Variants in LOXL1 observed in about 807,000 individuals in gnomAD.
The protein encoded by LOXL1 is lysyl oxidase like 1, also known as lysyl oxidase homolog 1.
Under a neutral mutation model 62.2 loss-of-function variants are expected in LOXL1, and 31 were observed. That is an observed-to-expected ratio of 0.50 (90% CI 0.37 to 0.67). The LOEUF is 0.67. Ranked by LOEUF, LOXL1 falls within the 30% of genes least tolerant of loss-of-function variation. The pLI is 0.00. For synonymous variants in LOXL1, 403 were observed against 384.4 expected, an observed-to-expected ratio of 1.05 and a Z score of -0.56; for missense variants, 775 against 843.4, an observed-to-expected ratio of 0.92 and a Z score of 1.00.
At chr15:73,943,073 C>A in intron 2 of LOXL1, 111 bp downstream of exon 2, 1 of 804,974 alleles carries the variant, frequency 1.2e-6, no homozygotes, top group Non-Finnish European at 2.1e-6. Context: ...ATGACCCTGG[C>A]CAAGTGCCCC....
Position 73,926,702 on chromosome 15 carries a change from C to G in LOXL1, c.-82C>G, listed in dbSNP as rs1444512944. The G allele has an allele frequency of 7.4e-7, 1 of 1,349,536 alleles. No homozygotes were observed. Among genetic ancestry groups the G allele is most frequent in the African/African-American group, 1.5e-5 (1 of 65,064 alleles). 83.6% of individuals were successfully genotyped at this position (1,349,536 alleles called of 1,614,324 possible). ...GGCAAGCAAGGAGCCTTCCTGTCCTCGAGGCCGTGGGAAGAGAAGCACGCC... is the reference window on the plus strand; with the variant it reads ...GGCAAGCAAGGAGCCTTCCTGTCCTGGAGGCCGTGGGAAGAGAAGCACGCC... On this transcript the variant is annotated 5_prime_UTR_variant, in exon 1 of 7. Coordinates refer to ENST00000261921, the MANE Select transcript of LOXL1 (RefSeq NM_005576.4).
In LOXL1 at chr15:73,947,207, G is replaced by C; in HGVS notation, c.1490G>C (p.Cys497Ser). 1.2e-6 allele frequency: 2 copies of C among 1,608,244 alleles called. No homozygotes were observed. The highest frequency in any genetic ancestry group is 1.7e-6 in the Non-Finnish European group (2 of 1,175,396). ...CDFGNLKRYA[C>S]TSHTQGLSPG... ...TTCGGCAACCTCAAGCGCTATGCATGCACCTCTCATACCCAGGTTGGGCTG... is the reference window on the plus strand; with the variant it reads ...TTCGGCAACCTCAAGCGCTATGCATCCACCTCTCATACCCAGGTTGGGCTG... The change falls in exon 4 of 7, where the codon TGC becomes TCC. Residue 497 changes from cysteine to serine, a missense_variant. By Grantham distance (112) the Cys-to-Ser change is moderately radical. Transcript: ENST00000261921.
chr15:73,928,471 G>A (rs1430356906), intron 1 of LOXL1, among the ~76,000 whole-genome samples: 1 of 152,180 alleles, frequency 6.6e-6, no homozygotes, highest in African/African-American at 2.4e-5. Flanking sequence ...TTCCTCAGGG[G>A]AGTCTGCAAG....
intron 6 of LOXL1, among the ~76,000 whole-genome samples, chr15:73,951,037 C>T (rs1390780487): frequency 6.6e-6 from 1 of 152,192 alleles, no homozygotes; most frequent in Non-Finnish European, 1.5e-5. Context: ...CCTGTCTTAG[C>T]CATTCAAGAC....
At chr15:73,950,293 TA>T (rs5813735) in intron 6 of LOXL1, among the ~76,000 whole-genome samples, 81,433 of 145,984 alleles carry the variant, frequency 0.56, 22,456 homozygotes, top group Middle Eastern at 0.68. Flanking sequence ...CCTTTTCCAT[TA>T]AAAAAAAAAA....
chr15:73,936,858 G>A (rs1041576253), intron 1 of LOXL1, among the ~76,000 whole-genome samples: 4 of 152,264 alleles, frequency 2.6e-5, no homozygotes, highest in African/African-American at 9.6e-5. Flanking sequence ...AGTATCGTCT[G>A]TAGGGGTTGT....
rs201962385 is a variant in LOXL1, at chr15:73,949,545, C to T, written c.1689C>T (p.Tyr563=). The T allele has an allele frequency of 2.7e-5, 43 of 1,613,804 alleles. No homozygotes were observed. The highest frequency in any genetic ancestry group is 3.2e-5 in the Non-Finnish European group (38 of 1,179,774). The change falls in exon 6 of 7, where the codon TAC becomes TAT. Residue 563 remains tyrosine, a synonymous_variant. Transcript: ENST00000261921. ...GCAACATTCACTACACAGGTCGCTACGTTTCTGCAACAAACTGCAAAATTG... is the reference window on the plus strand; with the variant it reads ...GCAACATTCACTACACAGGTCGCTATGTTTCTGCAACAAACTGCAAAATTG... ...VRCNIHYTGR[Y]VSATNCKIVQ...
At chr15:73,927,948 G>GC (rs2068603015) in intron 1 of LOXL1, 63 bp downstream of exon 1, 21 of 1,257,294 alleles carry the variant, frequency 1.7e-5, no homozygotes, top group East Asian at 3.2e-5. Context: ...ACTGCTCCGG[G>GC]CCCCCCGGGC....
At position 73,927,304 on chromosome 15, in the gene LOXL1, CGCA is replaced by C. The variant is rs1320429651; in HGVS notation, c.526_528del (p.Gln176del). 6.2e-7 allele frequency: 1 copy of C among 1,603,480 alleles called. No individual in the cohort carries two copies. The highest frequency in any genetic ancestry group is 8.5e-7 in the Non-Finnish European group (1 of 1,177,026). ...ACCTACCGCCAGCAGCCCTCCTACC[CGCA>C]GCAGTTCCCCTACCCGCAGGCGCCC... On this transcript the variant is annotated inframe_deletion, in exon 1 of 7. Coordinates refer to ENST00000261921, the MANE Select transcript of LOXL1 (RefSeq NM_005576.4).
chr15:73,937,195 G>A (rs531316166), intron 1 of LOXL1, among the ~76,000 whole-genome samples: 4 of 152,354 alleles, frequency 2.6e-5, no homozygotes, highest in Admixed American at 1.3e-4. Flanking sequence ...TGAGCAGGAG[G>A]ACAGGGTGGG....
chr15:73,939,880 G>A (rs898438781), intron 1 of LOXL1, among the ~76,000 whole-genome samples: 4 of 152,154 alleles, frequency 2.6e-5, no homozygotes, highest in Non-Finnish European at 5.9e-5. Flanking sequence ...ATGGGCCTGA[G>A]CCTCAGTTTC....
rs1424444723 is a variant in LOXL1, at chr15:73,930,971, C to T, written c.1102+3086C>T. 6.6e-6 allele frequency among the ~76,000 whole-genome samples: 1 copy of T among 152,178 alleles called. No individual in the cohort carries two copies. Among genetic ancestry groups the T allele is most frequent in the African/African-American group, 2.4e-5 (1 of 41,452 alleles). Reference sequence around the variant, plus strand: ...AGCTGGGTCTCCTGCACTGTGTCGGCTCCCTCGATGTGACCACTCCTGCTA... The same window carrying T: ...AGCTGGGTCTCCTGCACTGTGTCGGTTCCCTCGATGTGACCACTCCTGCTA... On this transcript the variant is annotated intron_variant, in intron 1 of 6. Transcript: ENST00000261921. This position sits in a 1 kb window ranked among gnomAD's most constrained non-coding sequence, Gnocchi z 4.7.
rs528787915 is a variant in LOXL1 at position 73,926,466 on chromosome 15, A to G, written c.-318A>G. 6 of 278,062 alleles carry G rather than the reference A, an allele frequency of 2.2e-5. No individual in the cohort carries two copies. The highest frequency in any genetic ancestry group is 4.0e-5 in the Non-Finnish European group (6 of 149,144). The allele number at this position is 278,062 out of a possible 1,614,324, so 17.2% of individuals were successfully genotyped here. A position where few individuals can be genotyped will look rare whatever the true frequency, so the allele number is the denominator to read the frequency against. ...CTCCCAGCCTGTTGCTTATTCATTC[A>G]GAGTGGGAAAGCGCCAGCCGAGCGG... On this transcript the variant is annotated 5_prime_UTR_variant, in exon 1 of 7. Transcript: ENST00000261921.
Sources: gnomAD v4.1 joint callset for allele counts (sites outside exome capture counted in the v4.1 genomes callset) on GRCh38, gnomAD v4.1.1 for gene constraint, Gnocchi (gnomAD v3.1) non-coding constraint, MANE v1.5 for transcripts, NCBI Gene and HGNC (gene_info 2026-07-23, HGNC 2026-07-21) for gene names.